The following SAMD12 variants were observed in gnomAD, a reference collection of about 807,000 sequenced individuals.
The protein encoded by SAMD12 is sterile alpha motif domain containing 12.
SAMD12 carries 9 observed loss-of-function variants against 15.0 expected under a neutral mutation model. The observed-to-expected ratio is 0.60, with a 90% CI of 0.36 to 1.05. The LOEUF (loss-of-function observed/expected upper bound fraction) is 1.05, where lower values mean the gene tolerates loss of function less well. Among genes scored for constraint, SAMD12 ranks in the 50% least tolerant of loss-of-function variants. SAMD12 has a pLI of 0.01. For missense variants in SAMD12, 230 were observed against 234.2 expected, an observed-to-expected ratio of 0.98 and a Z score of 0.12; for synonymous variants, 86 against 90.1, an observed-to-expected ratio of 0.96 and a Z score of 0.25.
intron 1 of SAMD12, among the ~76,000 whole-genome samples, chr8:118,595,556 C>A (rs1366490398): frequency 1.3e-5 from 2 of 152,154 alleles, no homozygotes; most frequent in Non-Finnish European, 1.5e-5. Flanking sequence ...AAGCTCAGAC[C>A]AGAGAAAGTC....
At chr8:118,424,787 C>G (rs1489201580) in intron 3 of SAMD12, among the ~76,000 whole-genome samples, 1 of 152,102 alleles carries the variant, frequency 6.6e-6, no homozygotes, top group Non-Finnish European at 1.5e-5. Context: ...CATCAGGCTC[C>G]TCACCATAAA....
At chr8:118,545,898 G>A (rs547981344) in intron 2 of SAMD12, among the ~76,000 whole-genome samples, 9 of 152,328 alleles carry the variant, frequency 5.9e-5, no homozygotes, top group African/African-American at 2.2e-4. Context: ...TAGCTAGTGA[G>A]AGACCGAGCT....
At chr8:118,619,109 AC>A (rs1828322135) in intron 1 of SAMD12, among the ~76,000 whole-genome samples, 3 of 152,124 alleles carry the variant, frequency 2.0e-5, no homozygotes, top group African/African-American at 7.2e-5. Context: ...GGCACAAAAT[AC>A]CAACAGCAGC....
intron 1 of SAMD12, 29 bp downstream of exon 1, chr8:118,621,775 A>G (rs1190622208): frequency 6.2e-7 from 1 of 1,612,814 alleles, no homozygotes; most frequent in Admixed American, 1.7e-5. Flanking sequence ...GTTAAGAGGG[A>G]GCTTAAAAAT....
chr8:118,305,199 C>T (rs1444357735), intron 4 of SAMD12, among the ~76,000 whole-genome samples: 2 of 137,454 alleles, frequency 1.5e-5, no homozygotes, highest in African/African-American at 2.7e-5. Context: ...GCATTAAGTA[C>T]GTTCACAGTG....
intron 4 of SAMD12, among the ~76,000 whole-genome samples, chr8:118,202,720 C>T (rs1028535697): frequency 2.0e-5 from 3 of 152,178 alleles, no homozygotes; most frequent in Non-Finnish European, 4.4e-5. Context: ...GTCTTCCCTT[C>T]AGAAAGAAGG....
intron 4 of SAMD12, among the ~76,000 whole-genome samples, chr8:118,261,242 T>A (rs1813069633): frequency 6.6e-6 from 1 of 152,114 alleles, no homozygotes; most frequent in Non-Finnish European, 1.5e-5. Flanking sequence ...CATTTTCAAT[T>A]TTACAGATAA....
Position 118,570,757 on chromosome 8 carries a change from G to A in SAMD12, c.192+9958C>T, listed in dbSNP as rs182877014. ...TTCCCGGGTCATATGGTTTGGCTGT[G>A]TCCCCACCCAAATCTCATCCTGAAT... On this transcript the variant is annotated intron_variant, in intron 2 of 3. Coordinates refer to ENST00000314727, the MANE Select transcript of SAMD12 (RefSeq NM_207506.3). Among the ~76,000 whole-genome samples, 376 of 152,242 alleles carry A rather than the reference G, an allele frequency of 2.5e-3. 1 individual carries two copies. The highest frequency in any genetic ancestry group is 8.7e-3 in the African/African-American group (361 of 41,546).
At chr8:118,557,888 T>A (rs1826587681) in intron 2 of SAMD12, among the ~76,000 whole-genome samples, 1 of 152,150 alleles carries the variant, frequency 6.6e-6, no homozygotes, top group Non-Finnish European at 1.5e-5. Flanking sequence ...AAATATAATG[T>A]TTCATATATT....
At chr8:118,159,575 G>T in the SAMD12 span, among the ~76,000 whole-genome samples, 1 of 152,140 alleles carries the variant, frequency 6.6e-6, no homozygotes, top group Admixed American at 6.6e-5. Flanking sequence ...AGCTGGCAAA[G>T]CAACCCTCCA....
intron 4 of SAMD12, among the ~76,000 whole-genome samples, chr8:118,332,751 G>A (rs567505265): frequency 1.3e-5 from 2 of 152,086 alleles, no homozygotes; most frequent in Non-Finnish European, 2.9e-5. Flanking sequence ...TCTCTACTTC[G>A]GTCTTAGCCC....
chr8:118,540,817 CACTGCTGTGA>C (rs1825966936), intron 2 of SAMD12, among the ~76,000 whole-genome samples: 1 of 152,070 alleles, frequency 6.6e-6, no homozygotes. Context: ...AAGGTAAGTA[CACTGCTGTGA>C]AATGTCATTT....
chr8:118,487,979 T>C (rs1824334994), intron 2 of SAMD12, among the ~76,000 whole-genome samples: 1 of 152,192 alleles, frequency 6.6e-6, no homozygotes, highest in African/African-American at 2.4e-5. Flanking sequence ...ACATATTCAC[T>C]GTGCAGTACA....
intron 3 of SAMD12, among the ~76,000 whole-genome samples, chr8:118,380,518 C>T (rs936117324): frequency 6.6e-6 from 1 of 152,184 alleles, no homozygotes; most frequent in African/African-American, 2.4e-5. Flanking sequence ...ATCAAATTCT[C>T]CTCCACTCTG....
intron 2 of SAMD12, among the ~76,000 whole-genome samples, chr8:118,552,014 C>G (rs1826353798): frequency 6.6e-6 from 1 of 151,382 alleles, no homozygotes; most frequent in Non-Finnish European, 1.5e-5. Flanking sequence ...ATAACAGGAG[C>G]TGAAATTGTG....
chr8:118,541,162 G>C (rs1216599084), intron 2 of SAMD12, among the ~76,000 whole-genome samples: 1 of 152,058 alleles, frequency 6.6e-6, no homozygotes, highest in Non-Finnish European at 1.5e-5. Flanking sequence ...ACATCTTTAT[G>C]ACCCAGGAAG....
chr8:118,550,702 C>T (rs1826300859), intron 2 of SAMD12, among the ~76,000 whole-genome samples: 2 of 151,636 alleles, frequency 1.3e-5, no homozygotes, highest in Non-Finnish European at 2.9e-5. Flanking sequence ...TGTAAATGGA[C>T]TAAATGCTCC....
intron 2 of SAMD12, among the ~76,000 whole-genome samples, chr8:118,543,110 G>T (rs1826030198): frequency 6.6e-6 from 1 of 152,172 alleles, no homozygotes; most frequent in African/African-American, 2.4e-5. Flanking sequence ...TGAAAGCCTA[G>T]TTCCCTCTCC....
intron 2 of SAMD12, among the ~76,000 whole-genome samples, chr8:118,536,724 G>A (rs949438874): frequency 3.9e-5 from 6 of 152,018 alleles, no homozygotes; most frequent in African/African-American, 1.4e-4. Context: ...ATATCGTATT[G>A]TACTATGTAT....
Sources: gnomAD v4.1 joint callset for allele counts (sites outside exome capture counted in the v4.1 genomes callset) on GRCh38, gnomAD v4.1.1 for gene constraint, MANE v1.5 for transcripts, NCBI Gene and HGNC (gene_info 2026-07-23, HGNC 2026-07-21) for gene names.